PGF: variants seen among roughly 807,000 people sequenced by gnomAD.
The protein encoded by PGF is placental growth factor, also known as placenta growth factor.
Under a neutral mutation model 25.3 loss-of-function variants are expected in PGF, and 11 were observed. The ratio of observed to expected loss-of-function variants is 0.43; its 90% CI spans 0.27 to 0.72. PGF has a LOEUF of 0.72. Among genes scored for constraint, PGF ranks in the 30% least tolerant of loss-of-function variants. The pLI is 0.18. For missense variants in PGF, 230 were observed against 234.9 expected (o/e 0.98, Z 0.14); for synonymous variants, 105 against 97.9 (o/e 1.07, Z -0.43).
At chr14:74,943,169 G>A (rs1226067023) in intron 6 of PGF, among the ~76,000 whole-genome samples, 1 of 152,158 alleles carries the variant, frequency 6.6e-6, no homozygotes, top group Non-Finnish European at 1.5e-5. Context: ...CTAGACGCAC[G>A]TGAGGCCTGA....
In PGF at chr14:74,950,103, C is replaced by T. The variant is rs959588265; in HGVS notation, c.119-550G>A. ...CCACTGAGTCCAACCAGCGCTCACA[C>T]TGAGCCACGGCAGCACCACATTCAC... On this transcript the variant is annotated intron_variant, in intron 2 of 6. Coordinates refer to ENST00000555567, the MANE Select transcript of PGF (RefSeq NM_002632.6). This position sits in a 1 kb window ranked among gnomAD's most constrained non-coding sequence, Gnocchi z 4.1. 2.0e-5 allele frequency among the ~76,000 whole-genome samples: 3 copies of T among 152,210 alleles called. No homozygotes were observed. Among genetic ancestry groups the T allele is most frequent in the Non-Finnish European group, 4.4e-5 (3 of 68,034 alleles).
chr14:74,946,442 C>A, intron 4 of PGF, 34 bp from the exon 5 acceptor site: 1 of 1,582,462 alleles, frequency 6.3e-7, no homozygotes, highest in Non-Finnish European at 8.6e-7. Context: ...GGCAGAGGAA[C>A]GTTAGGAAAG....
chr14:74,946,740 G>T, intron 4 of PGF: 1 of 700,964 alleles, frequency 1.4e-6, no homozygotes, highest in Non-Finnish European at 2.6e-6. Flanking sequence ...CACTTTCTTT[G>T]CTGCTTTTTT....
rs1464600998 is a variant in PGF at position 74,950,715 on chromosome 14, G to C, written c.119-1162C>G. ...GTTTCCTCAGGTGGGAAAAAAGAAG[G>C]TTGGGAATAAATGGTTGCTAAGGTC... On this transcript the variant is annotated intron_variant, in intron 2 of 6. Coordinates refer to ENST00000555567, the MANE Select transcript of PGF (RefSeq NM_002632.6). The surrounding 1 kb of genome is among the most constrained non-coding windows in gnomAD (Gnocchi z 4.1). 6.6e-6 allele frequency among the ~76,000 whole-genome samples: 1 copy of C among 152,182 alleles called. No homozygotes were observed. Among genetic ancestry groups the C allele is most frequent in the African/African-American group, 2.4e-5 (1 of 41,442 alleles).
At chr14:74,949,652 C>A in intron 2 of PGF, 99 bp from the exon 3 acceptor site, 1 of 928,434 alleles carries the variant, frequency 1.1e-6, no homozygotes, top group Non-Finnish European at 1.5e-6. Context: ...CAGGTTCAGC[C>A]CCCAGCCCCA....
chr14:74,946,496 A>G, intron 4 of PGF, 88 bp from the exon 5 acceptor site: 1 of 1,321,262 alleles, frequency 7.6e-7, no homozygotes, highest in South Asian at 1.3e-5. Flanking sequence ...CCCCTCCGAC[A>G]TCCCCAGTCC....
At chr14:74,946,857 A>G in intron 4 of PGF, 1 of 760,894 alleles carries the variant, frequency 1.3e-6, no homozygotes, top group Non-Finnish European at 2.4e-6. Flanking sequence ...ATCCGGAACA[A>G]CATGGGGAGT....
In PGF at chr14:74,955,179, C is replaced by G. The variant is rs545154602; in HGVS notation, c.64G>C (p.Val22Leu). 5 of 1,478,812 alleles carry G rather than the reference C, an allele frequency of 3.4e-6. No homozygotes were observed. Among genetic ancestry groups the G allele is most frequent in the Non-Finnish European group, 4.5e-6 (5 of 1,105,866 alleles). 91.6% of individuals were successfully genotyped at this position (1,478,812 alleles called of 1,614,324 possible). Residue 22 changes from valine (V) to leucine (L), a missense_variant, in exon 1 of 7, where the codon GTG becomes CTG. Coordinates refer to ENST00000555567, the MANE Select transcript of PGF (RefSeq NM_002632.6). The surrounding 1 kb of genome is among the most constrained non-coding windows in gnomAD (Gnocchi z 4.1). ...QLLAGLALPA[V>L]PPQQWALSAG... Reference sequence around the variant, plus strand: ...GGGGTAGCTCTTACCTGGGGGGGCACAGCAGGCAGCGCCAGCCCGGCCAGG... The same window carrying G: ...GGGGTAGCTCTTACCTGGGGGGGCAGAGCAGGCAGCGCCAGCCCGGCCAGG...
chr14:74,944,309 A>C (rs569424220), intron 6 of PGF, among the ~76,000 whole-genome samples: 1 of 151,918 alleles, frequency 6.6e-6, no homozygotes, highest in East Asian at 1.9e-4. Flanking sequence ...TCACCATGTT[A>C]GCCAGGATGG....
intron 2 of PGF, among the ~76,000 whole-genome samples, chr14:74,951,681 C>T (rs1335113515): frequency 1.3e-5 from 2 of 152,208 alleles, no homozygotes; most frequent in African/African-American, 4.8e-5. Flanking sequence ...AAGGGATTTC[C>T]TTTCCTCACC....
chr14:74,947,105 C>T (rs1473250716), intron 4 of PGF: 2 of 483,114 alleles, frequency 4.1e-6, no homozygotes, highest in Non-Finnish European at 7.3e-6. Flanking sequence ...GCTGGTTCCT[C>T]CCTTGGGAGC....
Position 74,950,775 on chromosome 14 carries a change from C to T in PGF, c.119-1222G>A, listed in dbSNP as rs1888855399. Among the ~76,000 whole-genome samples the T allele has an allele frequency of 1.3e-5, 2 of 152,204 alleles. No individual in the cohort carries two copies. The highest frequency in any genetic ancestry group is 2.9e-5 in the Non-Finnish European group (2 of 68,036). On this transcript the variant is annotated intron_variant, in intron 2 of 6. Coordinates refer to ENST00000555567, the MANE Select transcript of PGF (RefSeq NM_002632.6). The surrounding 1 kb of genome is among the most constrained non-coding windows in gnomAD (Gnocchi z 4.1). ...CTGACCAACCGCCTGTGAATCAGTG[C>T]CTGCAACCCAGCCCAGCCCAGAGAC...
Position 74,955,141 on chromosome 14 carries a change from G to C in PGF, c.75+27C>G. On this transcript the variant is annotated intron_variant, in intron 1 of 6. Coordinates refer to ENST00000555567, the MANE Select transcript of PGF (RefSeq NM_002632.6). This position sits in a 1 kb window ranked among gnomAD's most constrained non-coding sequence, Gnocchi z 4.1. The stretch of plus-strand genomic sequence containing the variant: ...GTGCTGGGATGGGGAGGTCTGGGGA[G>C]CCAGGCTAGGTGGGGGTAGCTCTTA... 2 of 1,367,882 alleles carry C rather than the reference G, an allele frequency of 1.5e-6. No homozygotes were observed. The highest frequency in any genetic ancestry group is 1.9e-6 in the Non-Finnish European group (2 of 1,030,166). The allele number at this position is 1,367,882 out of a possible 1,614,324, so 84.7% of individuals were successfully genotyped here.
chr14:74,943,909 CA>C (rs1229025613), intron 6 of PGF, among the ~76,000 whole-genome samples: 1 of 152,066 alleles, frequency 6.6e-6, no homozygotes, highest in African/African-American at 2.4e-5. Context: ...ACTCATATAT[CA>C]TTTTTTTGTG....
chr14:74,953,225 C>T lies in PGF; in HGVS notation c.118+679G>A, dbSNP rs61757880. ...TCCCTACATGCCCACTCTCCCATGGCGCAGGGGAAACCTCAGCGGTGGTGT... is the reference window on the plus strand; with the variant it reads ...TCCCTACATGCCCACTCTCCCATGGTGCAGGGGAAACCTCAGCGGTGGTGT... On this transcript the variant is annotated intron_variant, in intron 2 of 6. Transcript: ENST00000555567. The surrounding 1 kb of genome is among the most constrained non-coding windows in gnomAD (Gnocchi z 5.4). Among the ~76,000 whole-genome samples the T allele has an allele frequency of 8.9e-3, 1,358 of 152,314 alleles. 7 individuals are homozygous for T. Among genetic ancestry groups the T allele is most frequent in the Non-Finnish European group, 0.015 (1,039 of 68,024 alleles).
At position 74,950,524 on chromosome 14, in the gene PGF, C is replaced by T. The variant is rs964726701; in HGVS notation, c.119-971G>A. 9.9e-5 allele frequency among the ~76,000 whole-genome samples: 15 copies of T among 152,194 alleles called. No homozygotes were observed. The highest frequency in any genetic ancestry group is 3.1e-4 in the African/African-American group (13 of 41,444). ...TGAATGGGATCTTTTGGGGGCTGATCTGGAATCCCTCAAAAGATGCTGCTC... is the reference window on the plus strand; with the variant it reads ...TGAATGGGATCTTTTGGGGGCTGATTTGGAATCCCTCAAAAGATGCTGCTC... On this transcript the variant is annotated intron_variant, in intron 2 of 6. Transcript: ENST00000555567. This position sits in a 1 kb window ranked among gnomAD's most constrained non-coding sequence, Gnocchi z 4.1.
At chr14:74,948,365 C>G (rs971310613) in intron 4 of PGF, 142 bp downstream of exon 4, 16 of 533,412 alleles carry the variant, frequency 3.0e-5, no homozygotes, top group Non-Finnish European at 3.8e-5. Context: ...GTCCTGCCCT[C>G]TTGGTCTCCC....
intron 2 of PGF, among the ~76,000 whole-genome samples, chr14:74,949,924 C>T (rs1286977386): frequency 1.3e-5 from 2 of 152,182 alleles, no homozygotes; most frequent in African/African-American, 4.8e-5. Context: ...TTGCAGAAAA[C>T]AGTCATTCCT....
At chr14:74,949,282 G>C in intron 3 of PGF, 75 bp downstream of exon 3, 1 of 1,235,066 alleles carries the variant, frequency 8.1e-7, no homozygotes, top group Non-Finnish European at 1.1e-6. Flanking sequence ...CTGGGACCTG[G>C]GCCTATCTTC....
Sources: allele counts gnomAD v4.1 joint callset (sites outside exome capture counted in the v4.1 genomes callset), GRCh38; gene constraint gnomAD v4.1.1; non-coding constraint Gnocchi (gnomAD v3.1); transcripts MANE v1.5; gene names NCBI Gene and HGNC (gene_info 2026-07-23, HGNC 2026-07-21).